The following TET1 variants were observed in gnomAD, a reference collection of about 807,000 sequenced individuals.
TET1 encodes methylcytosine dioxygenase TET1.
Under a neutral mutation model 148.7 loss-of-function variants are expected in TET1, and 13 were observed. The observed-to-expected ratio is 0.09, with a 90% CI of 0.06 to 0.14. The LOEUF (loss-of-function observed/expected upper bound fraction) is 0.14, where lower values mean the gene tolerates loss of function less well. Among genes scored for constraint, TET1 ranks in the 10% least tolerant of loss-of-function variants. TET1 has a pLI of 1.00. For missense variants in TET1, 2,182 were observed against 2,553.8 expected, an observed-to-expected ratio of 0.85 and a Z score of 3.14; for synonymous variants, 907 against 937.2, an observed-to-expected ratio of 0.97 and a Z score of 0.59.
At chr10:68,670,246 C>G (rs1037089327) in intron 7 of TET1, among the ~76,000 whole-genome samples, 2 of 152,094 alleles carry the variant, frequency 1.3e-5, no homozygotes, top group African/African-American at 4.8e-5. Flanking sequence ...ATAATTTTCC[C>G]CTGTCCATGA....
intron 4 of TET1, among the ~76,000 whole-genome samples, chr10:68,650,867 A>G (rs932585004): frequency 6.6e-6 from 1 of 152,208 alleles, no homozygotes; most frequent in Non-Finnish European, 1.5e-5. Context: ...TGGTGCAGAA[A>G]TACGACGCAA....
chr10:68,597,030 A>ATTTTTTTTTTTTTTTTTT lies in TET1; in HGVS notation c.1915-3947_1915-3930dup, dbSNP rs553591899. 6.1e-3 allele frequency among the ~76,000 whole-genome samples: 600 copies of ATTTTTTTTTTTTTTTTTT among 98,752 alleles called. 45 individuals carry two copies. Among genetic ancestry groups the ATTTTTTTTTTTTTTTTTT allele is most frequent in the Non-Finnish European group, 7.2e-3 (371 of 51,376 alleles). The allele number at this position is 98,752 out of a possible 152,430, so 64.8% of individuals were successfully genotyped here. A position where few individuals can be genotyped will look rare whatever the true frequency, so the allele number is the denominator to read the frequency against. Reference sequence around the variant, plus strand: ...ATTTTCATGATCACACAGCTAATGGATTTTTTTTTTTTTTTTTTTTTGAGA... The same window carrying ATTTTTTTTTTTTTTTTTT: ...ATTTTCATGATCACACAGCTAATGGATTTTTTTTTTTTTTTTTTTTTTTTTTTTTTTTTTTTTTTGAGA... On this transcript the variant is annotated intron_variant, in intron 2 of 11. Coordinates refer to ENST00000373644, the MANE Select transcript of TET1 (RefSeq NM_030625.3).
intron 3 of TET1, among the ~76,000 whole-genome samples, chr10:68,607,678 G>A (rs2054144877): frequency 6.6e-6 from 1 of 150,986 alleles, no homozygotes; most frequent in South Asian, 2.1e-4. Flanking sequence ...TTCTCCTCAG[G>A]CTCCCAAAGT....
At chr10:68,658,571 G>A (rs2055059284) in intron 6 of TET1, among the ~76,000 whole-genome samples, 1 of 152,076 alleles carries the variant, frequency 6.6e-6, no homozygotes, top group African/African-American at 2.4e-5. Context: ...GCCTATGTTC[G>A]CAACACCGTT....
chr10:68,670,000 T>G (rs913519189), intron 7 of TET1, among the ~76,000 whole-genome samples: 1 of 152,216 alleles, frequency 6.6e-6, no homozygotes, highest in Non-Finnish European at 1.5e-5. Context: ...CTATGTTACA[T>G]TTGTTTACGT....
At chr10:68,571,801 A>T (rs2053673350) in intron 1 of TET1, among the ~76,000 whole-genome samples, 1 of 152,144 alleles carries the variant, frequency 6.6e-6, no homozygotes, top group Non-Finnish European at 1.5e-5. Context: ...CTGGGATCAC[A>T]GGCATGAAAC....
intron 1 of TET1, among the ~76,000 whole-genome samples, chr10:68,561,676 C>G (rs1231864054): frequency 1.3e-5 from 2 of 151,662 alleles, no homozygotes; most frequent in Non-Finnish European, 2.9e-5. Flanking sequence ...ATGCTCTCCT[C>G]TCTCTCTGTG....
intron 3 of TET1, among the ~76,000 whole-genome samples, chr10:68,632,083 G>T (rs1250838200): frequency 1.3e-5 from 2 of 151,968 alleles, no homozygotes; most frequent in Non-Finnish European, 2.9e-5. Flanking sequence ...GCAGCACTTT[G>T]GAAGGCCTAG....
intron 8 of TET1, 127 bp from the exon 9 acceptor site, chr10:68,681,272 A>G (rs1009754090): frequency 3.7e-6 from 2 of 540,832 alleles, no homozygotes; most frequent in Non-Finnish European, 6.6e-6. Flanking sequence ...TTTCTGTGGT[A>G]GCTATTTTAT....
At chr10:68,591,155 T>A (rs968204777) in intron 2 of TET1, among the ~76,000 whole-genome samples, 3 of 152,208 alleles carry the variant, frequency 2.0e-5, no homozygotes, top group African/African-American at 7.2e-5. Context: ...GCATCCCATT[T>A]ATGCATTTTA....
intron 2 of TET1, among the ~76,000 whole-genome samples, chr10:68,593,390 T>TA (rs2132846911): frequency 6.6e-6 from 1 of 152,068 alleles, no homozygotes; most frequent in East Asian, 1.9e-4. Flanking sequence ...CTTCAATAAT[T>TA]TTAAGTTCTC....
In TET1 at chr10:68,678,107, C is replaced by G. The variant is rs187807906; in HGVS notation, c.4825-3292C>G. 3.3e-5 allele frequency among the ~76,000 whole-genome samples: 5 copies of G among 152,256 alleles called. No homozygotes were observed. The South Asian group carries it at 1.0e-3, about 32-fold the overall frequency. ...GGAGAGTGACATACTTACACTTGCC[C>G]TTGAATGAGATCCCTCTAGATGCTG... On this transcript the variant is annotated intron_variant, in intron 8 of 11. Coordinates refer to ENST00000373644, the MANE Select transcript of TET1 (RefSeq NM_030625.3).
intron 3 of TET1, among the ~76,000 whole-genome samples, chr10:68,631,587 T>C (rs2054572763): frequency 6.6e-6 from 1 of 152,024 alleles, no homozygotes; most frequent in African/African-American, 2.4e-5. Context: ...TTTCTTAAGA[T>C]AGGAAAGACC....
intron 2 of TET1, among the ~76,000 whole-genome samples, chr10:68,595,672 G>A (rs1011034612): frequency 3.8e-5 from 5 of 131,826 alleles, no homozygotes; most frequent in Non-Finnish European, 7.9e-5. Flanking sequence ...GCTGGAGTGC[G>A]GTGGTGTGAT....
intron 6 of TET1, among the ~76,000 whole-genome samples, chr10:68,653,263 C>G (rs2054967369): frequency 6.6e-6 from 1 of 152,006 alleles, no homozygotes; most frequent in Non-Finnish European, 1.5e-5. Context: ...TATCCAACAC[C>G]ACTCATTTAA....
rs994121942 is a variant in TET1 at position 68,611,290 on chromosome 10, C to CA, written c.1968+10268dup. Among the ~76,000 whole-genome samples, 1,212 of 140,366 alleles carry CA rather than the reference C, an allele frequency of 8.6e-3. 13 individuals are homozygous for CA. Among genetic ancestry groups the CA allele is most frequent in the African/African-American group, 0.028 (1,063 of 38,580 alleles). The allele number at this position is 140,366 out of a possible 152,430, so 92.1% of individuals were successfully genotyped here. A position where few individuals can be genotyped will look rare whatever the true frequency, so the allele number is the denominator to read the frequency against. On this transcript the variant is annotated intron_variant, in intron 3 of 11. Transcript: ENST00000373644. The stretch of plus-strand genomic sequence containing the variant: ...TGGGCAACAGAGCGAGACTCCTTCT[C>CA]AAAAAAAAAAAAGTGACCTTTCCAA...
At chr10:68,631,282 G>T (rs75414534) in intron 3 of TET1, among the ~76,000 whole-genome samples, 2,272 of 152,274 alleles carry the variant, frequency 0.015, 45 homozygotes, top group African/African-American at 0.052. Context: ...CAACATAGTG[G>T]TGGGAACAAA....
chr10:68,676,258 A>G (rs113847360), intron 8 of TET1, among the ~76,000 whole-genome samples: 9,938 of 35,086 alleles, frequency 0.28, 1,339 homozygotes, highest in South Asian at 0.35. Context: ...ATATATATAT[A>G]TATATATATA....
chr10:68,561,190 A>G, intron 1 of TET1, among the ~76,000 whole-genome samples: 1 of 152,040 alleles, frequency 6.6e-6, no homozygotes, highest in East Asian at 1.9e-4. Context: ...GAGTCTGTGC[A>G]AGTTGTGAGT....
Sources: allele counts gnomAD v4.1 joint callset (sites outside exome capture counted in the v4.1 genomes callset), GRCh38; gene constraint gnomAD v4.1.1; transcripts MANE v1.5; gene names NCBI Gene and HGNC (gene_info 2026-07-23, HGNC 2026-07-21).